Variants in EPB41L1 observed in about 807,000 individuals in gnomAD.
The protein encoded by EPB41L1 is erythrocyte membrane protein band 4.1 like 1, also known as band 4.1-like protein 1.
Under a neutral mutation model 97.8 loss-of-function variants are expected in EPB41L1, and 29 were observed. The observed-to-expected ratio is 0.30, with a 90% CI of 0.22 to 0.40. The LOEUF is 0.40. Ranked by LOEUF, EPB41L1 falls within the 10% of genes least tolerant of loss-of-function variation. The pLI, the probability that EPB41L1 is intolerant of heterozygous loss-of-function variation, is 1.00. For missense variants in EPB41L1, 812 were observed against 1,162.3 expected (o/e 0.70, Z 4.38); for synonymous variants, 383 against 459.2 (o/e 0.83, Z 2.12).
chr20:36,175,823 C>A, intron 3 of EPB41L1, 108 bp downstream of exon 3: 1 of 1,176,562 alleles, frequency 8.5e-7, no homozygotes, highest in East Asian at 2.4e-5. Context: ...GAGTCCTGGA[C>A]CAGTCACAGT....
At chr20:36,180,352 G>A (rs2061427433) in intron 5 of EPB41L1, among the ~76,000 whole-genome samples, 1 of 152,162 alleles carries the variant, frequency 6.6e-6, no homozygotes, top group South Asian at 2.1e-4. Context: ...CCAAACCTCA[G>A]TGCACCTGGG....
intron 1 of EPB41L1, chr20:36,155,725 G>T: frequency 2.3e-6 from 1 of 439,738 alleles, no homozygotes; most frequent in South Asian, 1.6e-5. Context: ...AGCCATCGTC[G>T]TTGCTTTTCC....
chr20:36,155,775 C>T, intron 1 of EPB41L1: 1 of 391,026 alleles, frequency 2.6e-6, no homozygotes, highest in Non-Finnish European at 5.2e-6. Flanking sequence ...GAGAGAGCAC[C>T]ACGTGTTCCC....
At chr20:36,185,370 C>A in intron 7 of EPB41L1, 35 bp downstream of exon 7, 1 of 1,590,738 alleles carries the variant, frequency 6.3e-7, no homozygotes, top group Non-Finnish European at 8.6e-7. Context: ...TCTGTGGCTC[C>A]TTGGCCAGTG....
intron 3 of EPB41L1, among the ~76,000 whole-genome samples, chr20:36,176,345 A>G (rs917102450): frequency 3.9e-5 from 6 of 152,100 alleles, no homozygotes; most frequent in Non-Finnish European, 5.9e-5. Context: ...CTTTTCCTAT[A>G]TAGGTTCTGA....
intron 17 of EPB41L1, among the ~76,000 whole-genome samples, chr20:36,215,407 G>A (rs62213180): frequency 1.1e-4 from 16 of 152,182 alleles, no homozygotes; most frequent in Non-Finnish European, 2.1e-4. Flanking sequence ...ACTCGGGCTA[G>A]GGAAGGTAGC....
At chr20:36,175,442 A>C in intron 2 of EPB41L1, 109 bp from the exon 3 acceptor site, 1 of 1,352,222 alleles carries the variant, frequency 7.4e-7, no homozygotes, top group Non-Finnish European at 1.1e-6. Flanking sequence ...AGCGACTTTC[A>C]TTCTGGGGTC....
At chr20:36,147,768 C>G (rs1307801430) in intron 2 of EPB41L1, among the ~76,000 whole-genome samples, 1 of 152,192 alleles carries the variant, frequency 6.6e-6, no homozygotes, top group Non-Finnish European at 1.5e-5. Flanking sequence ...CCTCTCACTG[C>G]TCCCAGCCTC....
intron 2 of EPB41L1, among the ~76,000 whole-genome samples, chr20:36,146,391 G>A (rs2059832656): frequency 6.6e-6 from 1 of 152,206 alleles, no homozygotes; most frequent in African/African-American, 2.4e-5. Context: ...GAGAACCACT[G>A]AAGCCAATGG....
intron 21 of EPB41L1, 38 bp from the exon 22 acceptor site, chr20:36,229,294 C>CGG: frequency 8.0e-7 from 1 of 1,242,584 alleles, no homozygotes; most frequent in Non-Finnish European, 1.2e-6. Context: ...TCCCCCCACT[C>CGG]CCCACCCCCC....
At chr20:36,158,510 T>C (rs1600661560) in intron 1 of EPB41L1, among the ~76,000 whole-genome samples, 1 of 152,176 alleles carries the variant, frequency 6.6e-6, no homozygotes, top group South Asian at 2.1e-4. Context: ...GGAATGCCTC[T>C]GAAGAAGAGT....
rs2057718285 is a variant in EPB41L1, at chr20:36,093,322, G to T, written c.-65+1710G>T. Among the ~76,000 whole-genome samples, 1 of 150,682 alleles carries T rather than the reference G, an allele frequency of 6.6e-6. No individual in the cohort carries two copies. Among genetic ancestry groups the T allele is most frequent in the African/African-American group, 2.4e-5 (1 of 40,898 alleles). ...GTGGCTGCAGCCTGTGGCGGGTGTG[G>T]GTGTGTGTGTGCGCGCGCGTCGCTG... On this transcript the variant is annotated intron_variant, in intron 1 of 19. Transcript: ENST00000202028. This position sits in a 1 kb window ranked among gnomAD's most constrained non-coding sequence, Gnocchi z 5.4.
intron 14 of EPB41L1, chr20:36,200,729 T>C (rs1347779160): frequency 2.7e-6 from 1 of 373,394 alleles, no homozygotes; most frequent in Non-Finnish European, 5.4e-6. Context: ...CCTACAGATA[T>C]GGGACTTAAA....
chr20:36,100,292 A>G (rs2057970426), intron 1 of EPB41L1, among the ~76,000 whole-genome samples: 1 of 151,468 alleles, frequency 6.6e-6, no homozygotes, highest in Non-Finnish European at 1.5e-5. Context: ...TCCTCTTCTC[A>G]GTTTGCTCTC....
chr20:36,133,122 C>T (rs1029224768), intron 2 of EPB41L1, among the ~76,000 whole-genome samples: 1 of 152,388 alleles, frequency 6.6e-6, no homozygotes, highest in Non-Finnish European at 1.5e-5. Flanking sequence ...CCGAGCTGTG[C>T]CTTTGGCTCC....
Position 36,125,949 on chromosome 20 carries a change from G to A in EPB41L1, c.-10+13469G>A, listed in dbSNP as rs370584598. ...GACAGAGAACGGACAGTGTGGGGCC[G>A]ATGGGTCTTGGGGAAGGGAGGGGGA... is the stretch of plus-strand genomic sequence containing the variant. On this transcript the variant is annotated intron_variant, in intron 2 of 19. Coordinates refer to the EPB41L1 transcript ENST00000202028. 4.6e-5 allele frequency among the ~76,000 whole-genome samples: 7 copies of A among 151,972 alleles called. No homozygotes were observed. In the East Asian group the frequency reaches 9.7e-4, roughly 21 times the overall value.
In EPB41L1 at chr20:36,187,524, C is replaced by G; in HGVS notation, c.786-152C>G. 4.3e-6 allele frequency: 3 copies of G among 703,112 alleles called. No homozygotes were observed. The South Asian group carries it at 4.8e-5, about 11-fold the overall frequency. The allele number at this position is 703,112 out of a possible 1,614,324, so 43.6% of individuals were successfully genotyped here. On this transcript the variant is annotated intron_variant, in intron 7 of 21. Transcript: ENST00000338074. Reference sequence around the variant, plus strand: ...GCTGAAGTGGGAGTTGGGGTACACCCTCCTGCTCTGAGGGCAGAGGGAAAA... The same window carrying G: ...GCTGAAGTGGGAGTTGGGGTACACCGTCCTGCTCTGAGGGCAGAGGGAAAA...
chr20:36,127,436 AGGCT>A (rs2059015972), intron 2 of EPB41L1, among the ~76,000 whole-genome samples: 1 of 152,144 alleles, frequency 6.6e-6, no homozygotes, highest in Non-Finnish European at 1.5e-5. Context: ...GAGACGAGTA[AGGCT>A]GGAGTCCCCA....
Position 36,175,598 on chromosome 20 carries a change from G to A in EPB41L1, c.225G>A (p.Ser75=), listed in dbSNP as rs772866145. The change falls in exon 3 of 22, where the codon TCG becomes TCA. Residue 75 remains serine (S), a synonymous_variant. Coordinates refer to ENST00000338074, the MANE Select transcript of EPB41L1 (RefSeq NM_012156.2). ...EKDYSEADGL[S]ERTTPSKAQK... Reference sequence around the variant, plus strand: ...ACTACAGTGAGGCCGATGGCCTTTCGGAGAGGACCACGCCCAGCAAGGCCC... The same window carrying A: ...ACTACAGTGAGGCCGATGGCCTTTCAGAGAGGACCACGCCCAGCAAGGCCC... The A allele has an allele frequency of 4.3e-6, 7 of 1,614,066 alleles. No individual in the cohort carries two copies. The highest frequency in any genetic ancestry group is 3.3e-5 in the South Asian group (3 of 91,090).
Sources: allele counts gnomAD v4.1 joint callset (sites outside exome capture counted in the v4.1 genomes callset), GRCh38; gene constraint gnomAD v4.1.1; non-coding constraint Gnocchi (gnomAD v3.1); transcripts MANE v1.5; gene names NCBI Gene and HGNC (gene_info 2026-07-23, HGNC 2026-07-21).